The following CSMD1 variants were observed in gnomAD, a reference collection of about 807,000 sequenced individuals.
The protein encoded by CSMD1 is CUB and sushi domain-containing protein 1.
Under a neutral mutation model 417.5 loss-of-function variants are expected in CSMD1, and 213 were observed. The ratio of observed to expected loss-of-function variants is 0.51; its 90% CI spans 0.46 to 0.57. The LOEUF (loss-of-function observed/expected upper bound fraction) is 0.57, where lower values mean the gene tolerates loss of function less well. Among genes scored for constraint, CSMD1 ranks in the 20% least tolerant of loss-of-function variants. CSMD1 has a pLI of 0.00. For synonymous variants in CSMD1, 2,862 were observed against 1,736.8 expected, an observed-to-expected ratio of 1.65 and a Z score of -16.11; for missense variants, 6,923 against 4,529.7, an observed-to-expected ratio of 1.53 and a Z score of -15.17.
chr8:4,578,360 T>TTTTTTTTTTTTTTTTTTTTTTTTTG (rs1484392049), intron 2 of CSMD1, among the ~76,000 whole-genome samples: 1 of 144,694 alleles, frequency 6.9e-6, no homozygotes, highest in African/African-American at 2.7e-5. Flanking sequence ...TTTTTTTTTT[T>TTTTTTTTTTTTTTTTTTTTTTTTTG]AGGACAGACG....
At chr8:4,088,928 C>G (rs1453087438) in intron 3 of CSMD1, among the ~76,000 whole-genome samples, 4 of 152,200 alleles carry the variant, frequency 2.6e-5, no homozygotes, top group Admixed American at 6.5e-5. Context: ...AAAGCACTCC[C>G]CTGCCAAGGT....
At chr8:3,556,474 A>T (rs1263949874) in intron 10 of CSMD1, among the ~76,000 whole-genome samples, 1 of 145,808 alleles carries the variant, frequency 6.9e-6, no homozygotes, top group East Asian at 2.0e-4. Context: ...TTCAGTCCTT[A>T]AGCCAAAATT....
At chr8:3,421,371 G>A (rs143850347) in intron 12 of CSMD1, among the ~76,000 whole-genome samples, 1 of 152,168 alleles carries the variant, frequency 6.6e-6, no homozygotes, top group Non-Finnish European at 1.5e-5. Context: ...AATGGGCAGA[G>A]ATAAAGGAAT....
intron 3 of CSMD1, among the ~76,000 whole-genome samples, chr8:4,078,676 T>C (rs564972192): frequency 6.6e-6 from 1 of 151,488 alleles, no homozygotes; most frequent in South Asian, 2.1e-4. Flanking sequence ...AAAAACTTGC[T>C]GTATTCTTGC....
At chr8:3,440,493 T>C (rs925306168) in intron 12 of CSMD1, among the ~76,000 whole-genome samples, 3 of 152,198 alleles carry the variant, frequency 2.0e-5, no homozygotes, top group Non-Finnish European at 4.4e-5. Flanking sequence ...TTGTTGTTCA[T>C]CCTGTATCCT....
chr8:4,039,355 C>G lies in CSMD1; in HGVS notation c.416-7256G>C, dbSNP rs539449073. Among the ~76,000 whole-genome samples, 14 of 152,304 alleles carry G rather than the reference C, an allele frequency of 9.2e-5. No homozygotes were observed. The East Asian group carries it at 2.7e-3, about 29-fold the overall frequency. On this transcript the variant is annotated intron_variant, in intron 3 of 69. Coordinates refer to ENST00000635120, the MANE Select transcript of CSMD1 (RefSeq NM_033225.6). ...TTTGGACTATTTGCTGCTGAAAGCT[C>G]TTCACCCCACTCTCTCTCCTGGCTT...
At chr8:3,145,731 A>G (rs1818803073) in intron 40 of CSMD1, among the ~76,000 whole-genome samples, 1 of 152,242 alleles carries the variant, frequency 6.6e-6, no homozygotes, top group African/African-American at 2.4e-5. Flanking sequence ...TAAAAGGATT[A>G]AAATAAGCAT....
intron 2 of CSMD1, among the ~76,000 whole-genome samples, chr8:4,460,766 A>T (rs1055573826): frequency 4.0e-5 from 6 of 151,708 alleles, no homozygotes; most frequent in Non-Finnish European, 8.8e-5. Context: ...ATAGACCTCA[A>T]GTAAAGGTAG....
chr8:4,510,738 TTCCTTCCCTCTTCCC>T (rs1455703836), intron 2 of CSMD1, among the ~76,000 whole-genome samples: 1 of 139,612 alleles, frequency 7.2e-6, no homozygotes, highest in Non-Finnish European at 1.6e-5. Context: ...GCCTCCTCTC[TTCCTTCCCTCTTCCC>T]TCCTTCCCTC....
intron 5 of CSMD1, among the ~76,000 whole-genome samples, chr8:3,926,355 T>G (rs1257573667): frequency 1.3e-5 from 2 of 152,084 alleles, no homozygotes; most frequent in African/African-American, 4.8e-5. Flanking sequence ...TTATCTTATT[T>G]TATGTTTTTT....
intron 1 of CSMD1, among the ~76,000 whole-genome samples, chr8:4,983,340 C>G (rs967494069): frequency 3.3e-5 from 5 of 152,076 alleles, no homozygotes; most frequent in Admixed American, 1.3e-4. Context: ...AAAATAATGG[C>G]TGGAATCAAG....
chr8:3,499,936 G>A (rs1406452436), intron 10 of CSMD1, among the ~76,000 whole-genome samples: 7 of 152,044 alleles, frequency 4.6e-5, no homozygotes, highest in African/African-American at 1.4e-4. Flanking sequence ...TCTCTCCCCG[G>A]AGCAAAACAG....
chr8:4,677,542 C>A (rs1805774067), intron 1 of CSMD1, among the ~76,000 whole-genome samples: 1 of 152,114 alleles, frequency 6.6e-6, no homozygotes, highest in Admixed American at 6.6e-5. Flanking sequence ...TTATAATCTG[C>A]ACTACATCAA....
intron 41 of CSMD1, among the ~76,000 whole-genome samples, chr8:3,133,474 G>A (rs1158703525): frequency 1.3e-5 from 2 of 152,136 alleles, no homozygotes; most frequent in Admixed American, 6.5e-5. Flanking sequence ...GAAGAGAGGC[G>A]CCCCTGGGAG....
At chr8:3,040,932 C>A (rs887574942) in intron 50 of CSMD1, among the ~76,000 whole-genome samples, 7 of 152,280 alleles carry the variant, frequency 4.6e-5, no homozygotes, top group Middle Eastern at 3.4e-3. Flanking sequence ...GCATCATGAA[C>A]ATTTTAAAAC....
At chr8:3,338,977 C>A in intron 23 of CSMD1, among the ~76,000 whole-genome samples, 1 of 118,658 alleles carries the variant, frequency 8.4e-6, no homozygotes. Flanking sequence ...CGATGCTCTC[C>A]CTCCCCCCTC....
chr8:4,590,922 G>C (rs1480042338), intron 2 of CSMD1, among the ~76,000 whole-genome samples: 1 of 152,134 alleles, frequency 6.6e-6, no homozygotes, highest in African/African-American at 2.4e-5. Flanking sequence ...ATGCTCTCAG[G>C]CCTTCTGAGC....
intron 18 of CSMD1, among the ~76,000 whole-genome samples, chr8:3,380,372 A>C (rs10086039): frequency 0.13 from 20,072 of 152,248 alleles, 1,327 homozygotes; most frequent in Non-Finnish European, 0.14. Flanking sequence ...CATTTGACTC[A>C]GAAATCCCAT....
intron 12 of CSMD1, among the ~76,000 whole-genome samples, chr8:3,444,515 G>A (rs755765848): frequency 2.0e-5 from 3 of 152,098 alleles, no homozygotes; most frequent in African/African-American, 4.8e-5. Flanking sequence ...CCCTCATTGG[G>A]ACATTTGGCA....
Sources: allele counts gnomAD v4.1 joint callset (sites outside exome capture counted in the v4.1 genomes callset), GRCh38; gene constraint gnomAD v4.1.1; transcripts MANE v1.5; gene names NCBI Gene and HGNC (gene_info 2026-07-23, HGNC 2026-07-21).